Variants in DIP2B observed in about 807,000 individuals in gnomAD.
DIP2B encodes disco-interacting protein 2 homolog B.
A neutral mutation model predicts 198.0 loss-of-function variants in DIP2B; 76 were observed. That is an observed-to-expected ratio of 0.38 (90% CI 0.32 to 0.46). DIP2B has a LOEUF of 0.46. Ranked by LOEUF, DIP2B falls within the 20% of genes least tolerant of loss-of-function variation. DIP2B has a pLI of 0.99. For synonymous variants in DIP2B, 701 were observed against 739.1 expected, an observed-to-expected ratio of 0.95 and a Z score of 0.84; for missense variants, 1,559 against 1,978.4, an observed-to-expected ratio of 0.79 and a Z score of 4.02.
chr12:50,609,785 TCA>T (rs1163424350), intron 1 of DIP2B, among the ~76,000 whole-genome samples: 2 of 152,188 alleles, frequency 1.3e-5, no homozygotes, highest in Non-Finnish European at 2.9e-5. Flanking sequence ...TTATCTCTCT[TCA>T]AATCCCTTGG....
intron 36 of DIP2B, among the ~76,000 whole-genome samples, chr12:50,740,965 C>G (rs1940230637): frequency 6.6e-6 from 1 of 152,164 alleles, no homozygotes; most frequent in Admixed American, 6.5e-5. Context: ...GTGATGTCCT[C>G]TGCCCCTCCG....
At chr12:50,606,001 TTAGTA>T (rs1958978245) in intron 1 of DIP2B, among the ~76,000 whole-genome samples, 1 of 152,132 alleles carries the variant, frequency 6.6e-6, no homozygotes, top group Non-Finnish European at 1.5e-5. Context: ...TTTTGTATTT[TTAGTA>T]GAGACATTGT....
chr12:50,602,442 T>A lies in DIP2B; in HGVS notation c.101-23534T>A, dbSNP rs572846408. Among the ~76,000 whole-genome samples, 22 of 152,260 alleles carry A rather than the reference T, an allele frequency of 1.4e-4. 1 individual carries two copies. The highest frequency in any genetic ancestry group is 4.8e-4 in the African/African-American group (20 of 41,556). On this transcript the variant is annotated intron_variant, in intron 1 of 37. Coordinates refer to ENST00000301180, the MANE Select transcript of DIP2B (RefSeq NM_173602.3). ...CACCACTGTGGCTGGCTAATTTTTGTATTTTTTGTAGAGACATGTTGCCCA... is the reference window on the plus strand; with the variant it reads ...CACCACTGTGGCTGGCTAATTTTTGAATTTTTTGTAGAGACATGTTGCCCA...
At chr12:50,694,835 A>C (rs919607636) in intron 14 of DIP2B, among the ~76,000 whole-genome samples, 12 of 152,078 alleles carry the variant, frequency 7.9e-5, no homozygotes, top group African/African-American at 2.9e-4. Context: ...TAGCCAAACA[A>C]TGGAATACTG....
intron 2 of DIP2B, among the ~76,000 whole-genome samples, chr12:50,631,405 TTAG>T (rs1938051289): frequency 6.6e-6 from 1 of 152,026 alleles, no homozygotes. Context: ...TTTTGTATTT[TTAG>T]TAGGGACAGG....
chr12:50,558,881 A>T (rs578022807), intron 1 of DIP2B, among the ~76,000 whole-genome samples: 1 of 152,288 alleles, frequency 6.6e-6, no homozygotes, highest in Non-Finnish European at 1.5e-5. Flanking sequence ...AAAGAGAAGG[A>T]TTCACTGAAA....
intron 19 of DIP2B, among the ~76,000 whole-genome samples, chr12:50,703,241 G>T (rs1371856179): frequency 6.7e-6 from 1 of 150,026 alleles, no homozygotes; most frequent in Non-Finnish European, 1.5e-5. Context: ...AAAAAAAAAA[G>T]ATTTTTTTTT....
At chr12:50,509,442 G>GTA (rs1216676024) in intron 1 of DIP2B, among the ~76,000 whole-genome samples, 2 of 152,182 alleles carry the variant, frequency 1.3e-5, no homozygotes, top group Admixed American at 1.3e-4. Context: ...AACTGGAAAG[G>GTA]TATTTAAGAT....
At chr12:50,713,155 C>T (rs1007409908) in intron 22 of DIP2B, among the ~76,000 whole-genome samples, 33 of 151,938 alleles carry the variant, frequency 2.2e-4, no homozygotes, top group African/African-American at 7.7e-4. Flanking sequence ...GCCATGTTGC[C>T]CAGGCTATTC....
At chr12:50,591,511 C>G (rs1163400773) in intron 1 of DIP2B, among the ~76,000 whole-genome samples, 1 of 152,032 alleles carries the variant, frequency 6.6e-6, no homozygotes, top group Non-Finnish European at 1.5e-5. Flanking sequence ...GATCTCAGCT[C>G]ACTGTATCCT....
intron 1 of DIP2B, among the ~76,000 whole-genome samples, chr12:50,537,780 G>A (rs1233040108): frequency 1.3e-5 from 2 of 152,204 alleles, no homozygotes; most frequent in African/African-American, 4.8e-5. Context: ...AGTCACAGAA[G>A]TAGGAGGTGG....
chr12:50,665,747 G>T (rs981981936), intron 4 of DIP2B, among the ~76,000 whole-genome samples: 2 of 150,228 alleles, frequency 1.3e-5, no homozygotes, highest in Admixed American at 1.3e-4. Context: ...CTGTACTCCA[G>T]CCTGGGTGAC....
intron 35 of DIP2B, among the ~76,000 whole-genome samples, 193 bp from the exon 36 acceptor site, chr12:50,739,216 A>G (rs1186288196): frequency 2.0e-5 from 3 of 152,240 alleles, no homozygotes; most frequent in Non-Finnish European, 4.4e-5. Flanking sequence ...CTATGTTGTC[A>G]TGTCATATAT....
chr12:50,552,182 A>G (rs1319544389), intron 1 of DIP2B, among the ~76,000 whole-genome samples: 2 of 151,882 alleles, frequency 1.3e-5, no homozygotes, highest in African/African-American at 4.8e-5. Flanking sequence ...TCATATGCTC[A>G]TTGGCCATCT....
chr12:50,678,624 G>A (rs1348848869), intron 7 of DIP2B, 55 bp from the exon 8 acceptor site: 21 of 1,552,186 alleles, frequency 1.4e-5, no homozygotes, highest in Non-Finnish European at 1.8e-5. Flanking sequence ...AGAGACCTAA[G>A]TTGTGTTCAT....
chr12:50,563,949 A>G (rs1958542149), intron 1 of DIP2B, among the ~76,000 whole-genome samples: 1 of 152,160 alleles, frequency 6.6e-6, no homozygotes, highest in Admixed American at 6.5e-5. Context: ...ACATAGCATC[A>G]GCATTGGTCT....
chr12:50,535,457 G>A (rs1958255492), intron 1 of DIP2B, among the ~76,000 whole-genome samples: 1 of 150,442 alleles, frequency 6.6e-6, no homozygotes, highest in Non-Finnish European at 1.5e-5. Flanking sequence ...ACCTCTGCCT[G>A]CCAGGTTCAA....
intron 2 of DIP2B, among the ~76,000 whole-genome samples, chr12:50,626,893 G>GAATA (rs1565849748): frequency 2.0e-5 from 3 of 151,558 alleles, no homozygotes; most frequent in African/African-American, 7.3e-5. Context: ...ATGAACAGTG[G>GAATA]AATAAATAAA....
chr12:50,559,347 CAAAAT>C (rs776519445), intron 1 of DIP2B, among the ~76,000 whole-genome samples: 16 of 123,532 alleles, frequency 1.3e-4, no homozygotes, highest in Non-Finnish European at 2.1e-4. Flanking sequence ...GCTGGCATAA[CAAAAT>C]AATGACGTTT....
Sources: gnomAD v4.1 joint callset for allele counts (sites outside exome capture counted in the v4.1 genomes callset) on GRCh38, gnomAD v4.1.1 for gene constraint, MANE v1.5 for transcripts, NCBI Gene and HGNC (gene_info 2026-07-23, HGNC 2026-07-21) for gene names.